The following ARL15 variants were observed in gnomAD, a reference collection of about 807,000 sequenced individuals.
ARL15 encodes the protein ARF like GTPase 15, also known as ADP-ribosylation factor-like protein 15.
Under a neutral mutation model 25.2 loss-of-function variants are expected in ARL15, and 19 were observed. That is an observed-to-expected ratio of 0.75 (90% CI 0.53 to 1.10). The LOEUF is 1.10. Among genes scored for constraint, ARL15 ranks in the 50% least tolerant of loss-of-function variants. The pLI is 0.00. For synonymous variants in ARL15, 94 were observed against 86.8 expected, an observed-to-expected ratio of 1.08 and a Z score of -0.46; for missense variants, 220 against 246.0, an observed-to-expected ratio of 0.89 and a Z score of 0.71.
At chr5:54,052,236 A>G (rs1177876163) in intron 4 of ARL15, among the ~76,000 whole-genome samples, 3 of 152,248 alleles carry the variant, frequency 2.0e-5, no homozygotes, top group African/African-American at 4.8e-5. Context: ...GCCAAAACCC[A>G]AAGAACTTTA....
intron 4 of ARL15, among the ~76,000 whole-genome samples, chr5:53,939,427 C>T (rs1018017221): frequency 2.0e-5 from 3 of 152,082 alleles, no homozygotes; most frequent in Non-Finnish European, 4.4e-5. Flanking sequence ...ATTACATTTC[C>T]GTTTTGCAAA....
intron 4 of ARL15, among the ~76,000 whole-genome samples, chr5:54,072,078 G>A (rs1751444875): frequency 6.6e-6 from 1 of 151,964 alleles, no homozygotes; most frequent in African/African-American, 2.4e-5. Flanking sequence ...ACCTGCCACT[G>A]TATCACTCTT....
At chr5:54,075,948 A>T (rs1259099994) in intron 4 of ARL15, among the ~76,000 whole-genome samples, 1 of 152,228 alleles carries the variant, frequency 6.6e-6, no homozygotes, top group Non-Finnish European at 1.5e-5. Flanking sequence ...CTGACTCTGC[A>T]GTTTGTCTTT....
chr5:54,101,022 G>T (rs1018684748), intron 4 of ARL15, among the ~76,000 whole-genome samples: 9 of 151,988 alleles, frequency 5.9e-5, no homozygotes, highest in Non-Finnish European at 1.2e-4. Flanking sequence ...GAAAATGATA[G>T]AAATACATTT....
At chr5:53,957,422 A>G (rs1253343901) in intron 4 of ARL15, among the ~76,000 whole-genome samples, 1 of 152,148 alleles carries the variant, frequency 6.6e-6, no homozygotes, top group Non-Finnish European at 1.5e-5. Flanking sequence ...AGCACCGAGA[A>G]GGTTTGCTTT....
chr5:54,304,925 T>C (rs1484288769), intron 1 of ARL15, among the ~76,000 whole-genome samples: 4 of 152,140 alleles, frequency 2.6e-5, no homozygotes, highest in African/African-American at 9.7e-5. Context: ...CCTTCACTCC[T>C]CTTTTCAAGT....
At chr5:54,009,161 C>T (rs80138475) in intron 4 of ARL15, among the ~76,000 whole-genome samples, 12,786 of 152,202 alleles carry the variant, frequency 0.084, 674 homozygotes, top group Non-Finnish European at 0.11. Flanking sequence ...TCTTTGACAG[C>T]CTAAATGAAA....
intron 4 of ARL15, among the ~76,000 whole-genome samples, chr5:53,998,090 A>T (rs370049500): frequency 2.6e-4 from 39 of 152,120 alleles, no homozygotes; most frequent in African/African-American, 8.7e-4. Flanking sequence ...TAAGCCACTT[A>T]ACCTCCTCAT....
intron 3 of ARL15, among the ~76,000 whole-genome samples, chr5:54,140,961 T>A (rs1033315593): frequency 1.2e-4 from 18 of 152,192 alleles, no homozygotes; most frequent in African/African-American, 4.3e-4. Context: ...TTCCCCAACC[T>A]GCTCCTTTCT....
At chr5:54,016,866 T>C (rs1490360521) in intron 4 of ARL15, among the ~76,000 whole-genome samples, 1 of 152,228 alleles carries the variant, frequency 6.6e-6, no homozygotes, top group Non-Finnish European at 1.5e-5. Flanking sequence ...CTTATGCATA[T>C]ACTGTCATCT....
At chr5:54,177,298 A>C (rs1192069952) in intron 1 of ARL15, among the ~76,000 whole-genome samples, 1 of 152,238 alleles carries the variant, frequency 6.6e-6, no homozygotes, top group Admixed American at 6.5e-5. Context: ...ATCACCAGTA[A>C]TAACTGACTA....
rs555479003 is a variant in ARL15, at chr5:53,926,934, C to T, written c.463-40221G>A. 2.0e-5 allele frequency among the ~76,000 whole-genome samples: 3 copies of T among 150,662 alleles called. No homozygotes were observed. The South Asian group carries it at 6.3e-4, about 32-fold the overall frequency. On this transcript the variant is annotated intron_variant, in intron 4 of 4. Coordinates refer to ENST00000504924, the MANE Select transcript of ARL15 (RefSeq NM_019087.3). ...ACTATTTGGTTAAACCTTCAGTCAC[C>T]AAGACCTTTTTTTTTAAAAAAAAAA...
At chr5:54,213,457 C>T (rs930232344) in intron 1 of ARL15, among the ~76,000 whole-genome samples, 6 of 152,170 alleles carry the variant, frequency 3.9e-5, no homozygotes, top group African/African-American at 1.4e-4. Context: ...CAAATAACCG[C>T]CCTTTTAACA....
intron 1 of ARL15, among the ~76,000 whole-genome samples, chr5:54,228,056 C>T (rs915559062): frequency 7.9e-5 from 12 of 152,092 alleles, no homozygotes; most frequent in South Asian, 2.1e-4. Context: ...ATGTCTGTAA[C>T]GCCAGAGGAC....
chr5:53,964,711 C>A (rs1048073797), intron 4 of ARL15, among the ~76,000 whole-genome samples: 25 of 152,296 alleles, frequency 1.6e-4, no homozygotes, highest in Admixed American at 1.6e-3. Flanking sequence ...CATAGGCTCC[C>A]TGAGATAGTA....
intron 4 of ARL15, among the ~76,000 whole-genome samples, chr5:54,086,193 C>T (rs1032114621): frequency 6.6e-6 from 1 of 152,170 alleles, no homozygotes; most frequent in Non-Finnish European, 1.5e-5. Context: ...GGATTACAGC[C>T]ATGAGCCACC....
intron 1 of ARL15, among the ~76,000 whole-genome samples, chr5:54,172,548 G>C (rs920265763): frequency 2.0e-5 from 3 of 152,024 alleles, no homozygotes; most frequent in Admixed American, 6.6e-5. Context: ...GGTTATGTAA[G>C]AAAAATCATT....
At chr5:54,135,510 C>T (rs1024809613) in intron 3 of ARL15, among the ~76,000 whole-genome samples, 1 of 152,048 alleles carries the variant, frequency 6.6e-6, no homozygotes, top group African/African-American at 2.4e-5. Flanking sequence ...TTCATGTTTC[C>T]CAATTACTAT....
chr5:54,050,633 A>G (rs1750677231), intron 4 of ARL15, among the ~76,000 whole-genome samples: 1 of 152,242 alleles, frequency 6.6e-6, no homozygotes. Context: ...GGGGATTATC[A>G]GTACATGCTA....
Sources: gnomAD v4.1 joint callset for allele counts (sites outside exome capture counted in the v4.1 genomes callset) on GRCh38, gnomAD v4.1.1 for gene constraint, MANE v1.5 for transcripts, NCBI Gene and HGNC (gene_info 2026-07-23, HGNC 2026-07-21) for gene names.